The following SEC24B variants were observed in gnomAD, a reference collection of about 807,000 sequenced individuals.
SEC24B encodes SEC24 homolog B, COPII component.
In SEC24B, 45 loss-of-function variants were observed where a neutral mutation model predicts 142.8. The ratio of observed to expected loss-of-function variants is 0.32; its 90% CI spans 0.25 to 0.40. The LOEUF is 0.40. Among genes scored for constraint, SEC24B ranks in the 10% least tolerant of loss-of-function variants. The probability of loss-of-function intolerance (pLI) is 1.00; values close to 1 mark genes in which losing one functional copy is unlikely to be tolerated. For synonymous variants in SEC24B, 574 were observed against 568.2 expected (o/e 1.01, Z -0.15); for missense variants, 1,409 against 1,526.8 (o/e 0.92, Z 1.29).
chr4:109,464,980 G>A (rs1000834541), intron 2 of SEC24B, among the ~76,000 whole-genome samples: 9 of 152,096 alleles, frequency 5.9e-5, no homozygotes, highest in Non-Finnish European at 1.0e-4. Flanking sequence ...CAGCATGTAG[G>A]TTATAGAAAC....
At chr4:109,453,381 A>G (rs1730308555) in intron 1 of SEC24B, among the ~76,000 whole-genome samples, 1 of 133,016 alleles carries the variant, frequency 7.5e-6, no homozygotes. Context: ...AGGCCAGGGC[A>G]TGTTTCATCC....
intron 3 of SEC24B, among the ~76,000 whole-genome samples, chr4:109,477,000 A>G (rs986366443): frequency 6.6e-6 from 1 of 150,848 alleles, no homozygotes; most frequent in South Asian, 2.1e-4. Context: ...AGCCGGGCGT[A>G]GTGGCGGGCG....
intron 22 of SEC24B, among the ~76,000 whole-genome samples, chr4:109,534,678 T>C (rs1238849993): frequency 6.6e-6 from 1 of 152,168 alleles, no homozygotes; most frequent in East Asian, 1.9e-4. Flanking sequence ...TATAAAACAT[T>C]TCTATTTGGT....
chr4:109,534,831 C>T (rs1725335574), intron 22 of SEC24B, among the ~76,000 whole-genome samples: 1 of 152,146 alleles, frequency 6.6e-6, no homozygotes. Flanking sequence ...TATGCCACCA[C>T]ACTTGGCTAA....
chr4:109,531,270 A>T, intron 19 of SEC24B, 115 bp from the exon 20 acceptor site: 1 of 819,862 alleles, frequency 1.2e-6, no homozygotes. Flanking sequence ...AATTGAATCT[A>T]GGTCTGTCTG....
chr4:109,449,691 A>G lies in SEC24B; in HGVS notation c.134-13210A>G, dbSNP rs143143822. 9.3e-4 allele frequency among the ~76,000 whole-genome samples: 140 copies of G among 151,032 alleles called. 4 individuals are homozygous for G. The East Asian group carries it at 0.027, about 29-fold the overall frequency. On this transcript the variant is annotated intron_variant, in intron 1 of 23. Transcript: ENST00000265175. ...ATCTCTCTCTTCTTTTTATAAGGGC[A>G]CTCCTTCTCTCATGGTGGTCCTGCC...
intron 4 of SEC24B, among the ~76,000 whole-genome samples, chr4:109,482,936 C>CTATATATA (rs775978447): frequency 4.6e-4 from 16 of 34,610 alleles, no homozygotes; most frequent in South Asian, 1.4e-3. Flanking sequence ...CAGGCTTGTA[C>CTATATATA]TATATATATA....
intron 18 of SEC24B, among the ~76,000 whole-genome samples, chr4:109,529,560 G>A (rs1161538617): frequency 6.6e-6 from 1 of 152,054 alleles, no homozygotes; most frequent in Non-Finnish European, 1.5e-5. Context: ...TTGTTGGCTT[G>A]GAATGCTTTA....
rs960014247 is a variant in SEC24B, at chr4:109,433,971, G to C, written c.102G>C (p.Pro34=). Residue 34 remains proline, a synonymous_variant, in exon 1 of 24, where the codon CCG becomes CCC. Transcript: ENST00000265175. ...CAGGAGCCGCAGCGCCCGCGGGCCC[G>C]GGTGCGGGCCCGGCGCCGCACCAGC... ...AVSGAAAPAG[P]GAGPAPHQQN... The C allele has an allele frequency of 2.3e-5, 28 of 1,223,062 alleles. No individual in the cohort carries two copies. In the Admixed American group the frequency reaches 3.6e-4, roughly 16 times the overall value. The allele number at this position is 1,223,062 out of a possible 1,614,324, so 75.8% of individuals were successfully genotyped here.
chr4:109,466,033 T>TG (rs1731816424), intron 2 of SEC24B, among the ~76,000 whole-genome samples: 6 of 152,172 alleles, frequency 3.9e-5, no homozygotes, highest in Admixed American at 3.9e-4. Flanking sequence ...CAGGTTAATA[T>TG]GACAAACGTG....
At chr4:109,448,892 A>T (rs1197118606) in intron 1 of SEC24B, among the ~76,000 whole-genome samples, 1 of 148,928 alleles carries the variant, frequency 6.7e-6, no homozygotes, top group Non-Finnish European at 1.5e-5. Flanking sequence ...TTTAGTTGTC[A>T]TGTCTCATTA....
intron 2 of SEC24B, among the ~76,000 whole-genome samples, chr4:109,467,192 A>G (rs929689895): frequency 1.2e-4 from 18 of 151,340 alleles, no homozygotes; most frequent in South Asian, 4.2e-4. Context: ...CGGGCGTGGT[A>G]GCGGGCGCCT....
chr4:109,504,272 C>T (rs1375035276), intron 6 of SEC24B, among the ~76,000 whole-genome samples: 1 of 152,190 alleles, frequency 6.6e-6, no homozygotes, highest in African/African-American at 2.4e-5. Flanking sequence ...ATTTAAAATT[C>T]AGTCTATATT....
chr4:109,492,761 T>C (rs1202646551), intron 5 of SEC24B, among the ~76,000 whole-genome samples: 1 of 152,174 alleles, frequency 6.6e-6, no homozygotes, highest in African/African-American at 2.4e-5. Flanking sequence ...TTCATGTTTA[T>C]TGGAGTGCAG....
Position 109,463,469 on chromosome 4 carries a change from C to G in SEC24B, c.702C>G (p.Ile234Met). 1 of 1,614,196 alleles carries G rather than the reference C, an allele frequency of 6.2e-7. No individual in the cohort carries two copies. Among genetic ancestry groups the G allele is most frequent in the East Asian group, 2.2e-5 (1 of 44,882 alleles). Residue 234 changes from isoleucine to methionine, a missense_variant, in exon 2 of 24, where the codon ATC (isoleucine) becomes ATG (methionine). By Grantham distance (10) the Ile-to-Met change is conservative. Transcript: ENST00000265175. ...DNSFSGQNTA[I>M]SHPSPLPPLP... ...CATTCTCTGGTCAAAATACAGCTAT[C>G]AGCCATCCATCGCCACTTCCACCTC...
intron 1 of SEC24B, among the ~76,000 whole-genome samples, chr4:109,447,523 A>G (rs558025971): frequency 6.6e-6 from 1 of 152,252 alleles, no homozygotes; most frequent in South Asian, 2.1e-4. Context: ...TGTGGCAAAC[A>G]GTATTTTTTT....
At chr4:109,439,121 C>T (rs1728674745) in intron 1 of SEC24B, among the ~76,000 whole-genome samples, 1 of 152,024 alleles carries the variant, frequency 6.6e-6, no homozygotes, top group African/African-American at 2.4e-5. Flanking sequence ...TGCCCTTTTC[C>T]AGAATGAAAC....
intron 17 of SEC24B, 98 bp from the exon 18 acceptor site, chr4:109,527,218 CAAAAAA>C: frequency 1.5e-6 from 1 of 649,710 alleles, no homozygotes; most frequent in Non-Finnish European, 2.4e-6. Context: ...GACTCCGTCT[CAAAAAA>C]AAAAAAAAGA....
intron 6 of SEC24B, among the ~76,000 whole-genome samples, chr4:109,504,121 G>A (rs1313864037): frequency 2.6e-5 from 4 of 151,814 alleles, no homozygotes; most frequent in Non-Finnish European, 4.4e-5. Context: ...TGCTATATTT[G>A]TTTCATATGG....
Sources: allele counts gnomAD v4.1 joint callset (sites outside exome capture counted in the v4.1 genomes callset), GRCh38; gene constraint gnomAD v4.1.1; transcripts MANE v1.5; gene names NCBI Gene and HGNC (gene_info 2026-07-23, HGNC 2026-07-21).